The following DNAAF4 variants were observed in gnomAD, a reference collection of about 807,000 sequenced individuals.
The protein encoded by DNAAF4 is dynein axonemal assembly factor 4.
DNAAF4 carries 43 observed loss-of-function variants against 51.8 expected under a neutral mutation model. The observed-to-expected ratio is 0.83, with a 90% CI of 0.65 to 1.07. The LOEUF (loss-of-function observed/expected upper bound fraction) is 1.07. DNAAF4 is among the 50% of genes least tolerant of loss of function. The probability of loss-of-function intolerance (pLI) is 0.00; values close to 1 mark genes in which losing one functional copy is unlikely to be tolerated. For synonymous variants in DNAAF4, 194 were observed against 165.6 expected (o/e 1.17, Z -1.32); for missense variants, 581 against 493.0 (o/e 1.18, Z -1.69).
At position 55,490,963 on chromosome 15, in the gene DNAAF4, A is replaced by C. The variant is rs968879467; in HGVS notation, c.405+160T>G. On this transcript the variant is annotated intron_variant, in intron 4 of 9. Coordinates refer to ENST00000321149, the MANE Select transcript of DNAAF4 (RefSeq NM_130810.4). ...AGTGAGACTCGGTCTCAAGAAAAAAAAAAACACACATATAAATAGCAGACA... is the reference window on the plus strand; with the variant it reads ...AGTGAGACTCGGTCTCAAGAAAAAACAAAACACACATATAAATAGCAGACA... 8 of 788,700 alleles carry C rather than the reference A, an allele frequency of 1.0e-5. No homozygotes were observed. The Middle Eastern group carries it at 1.6e-3, about 156-fold the overall frequency. The allele number at this position is 788,700 out of a possible 1,614,324, so 48.9% of individuals were successfully genotyped here.
At chr15:55,507,269 A>G (rs1021063895) in intron 1 of DNAAF4, among the ~76,000 whole-genome samples, 3 of 152,206 alleles carry the variant, frequency 2.0e-5, no homozygotes, top group African/African-American at 7.2e-5. Context: ...TAAACCCATC[A>G]TAAGTTGAAA....
chr15:55,503,500 A>C (rs1209842079), intron 1 of DNAAF4, among the ~76,000 whole-genome samples: 2 of 152,216 alleles, frequency 1.3e-5, no homozygotes, highest in Non-Finnish European at 2.9e-5. Context: ...AATATCCCTA[A>C]GGAACATCGA....
At chr15:55,486,598 A>ATAGT (rs1567030357) in intron 4 of DNAAF4, among the ~76,000 whole-genome samples, 3 of 152,076 alleles carry the variant, frequency 2.0e-5, no homozygotes, top group Non-Finnish European at 1.5e-5. Context: ...GCTGGGCAAC[A>ATAGT]TAGTTAGACC....
chr15:55,497,536 G>A (rs550965003), intron 3 of DNAAF4, among the ~76,000 whole-genome samples, 176 bp downstream of exon 3: 41 of 152,148 alleles, frequency 2.7e-4, no homozygotes, highest in African/African-American at 9.9e-4. Flanking sequence ...GGGGGCAGAG[G>A]TTGCAGTAAG....
At chr15:55,463,406 A>G (rs143744526) in intron 5 of DNAAF4, among the ~76,000 whole-genome samples, 83 of 152,292 alleles carry the variant, frequency 5.5e-4, no homozygotes, top group African/African-American at 1.9e-3. Context: ...CACCAACACT[A>G]TTTAACAGAG....
At chr15:55,421,498 A>T (rs1159364420) in intron 7 of DNAAF4, among the ~76,000 whole-genome samples, 1 of 152,038 alleles carries the variant, frequency 6.6e-6, no homozygotes, top group East Asian at 1.9e-4. Flanking sequence ...GGGAGACTTC[A>T]TCTAAAAAAT....
At chr15:55,502,192 A>G (rs1423872852) in intron 1 of DNAAF4, among the ~76,000 whole-genome samples, 1 of 152,212 alleles carries the variant, frequency 6.6e-6, no homozygotes, top group Non-Finnish European at 1.5e-5. Flanking sequence ...GAGAACACAC[A>G]TCATGGGGTG....
At chr15:55,502,886 A>T (rs1014648031) in intron 1 of DNAAF4, among the ~76,000 whole-genome samples, 1 of 152,186 alleles carries the variant, frequency 6.6e-6, no homozygotes. Context: ...GAGCAAACAC[A>T]TTCAAAAGCT....
rs1371851367 is a variant in DNAAF4, at chr15:55,498,225, G to A, written c.105C>T (p.Cys35=). Residue 35 remains cysteine (C), a synonymous_variant, in exon 2 of 10, where the codon TGC becomes TGT. Transcript: ENST00000321149. ...GVCVRDTDVF[C]TENYLKVNFP... ...TTCTTACCTTCAGATAGTTTTCCGT[G>A]CAGAACACGTCCGTGTCTCTGACGC... 1 of 1,613,966 alleles carries A rather than the reference G, an allele frequency of 6.2e-7. No individual in the cohort carries two copies. The highest frequency in any genetic ancestry group is 1.7e-5 in the Admixed American group (1 of 59,990).
chr15:55,475,695 T>C (rs900488709), intron 4 of DNAAF4, among the ~76,000 whole-genome samples: 1 of 152,182 alleles, frequency 6.6e-6, no homozygotes, highest in African/African-American at 2.4e-5. Flanking sequence ...TTTGTATTTT[T>C]TGATCATAAA....
At chr15:55,483,202 T>C (rs1327182679) in intron 4 of DNAAF4, among the ~76,000 whole-genome samples, 1 of 152,238 alleles carries the variant, frequency 6.6e-6, no homozygotes, top group East Asian at 1.9e-4. Context: ...GTTCAAGCAA[T>C]TCTCCTGCCT....
intron 5 of DNAAF4, among the ~76,000 whole-genome samples, chr15:55,456,048 A>G (rs951733139): frequency 6.6e-6 from 1 of 152,072 alleles, no homozygotes; most frequent in Non-Finnish European, 1.5e-5. Context: ...TAGGAATTCA[A>G]TAATGACTTA....
intron 4 of DNAAF4, 174 bp downstream of exon 4, chr15:55,490,949 G>A (rs2058562740): frequency 3.1e-6 from 2 of 648,108 alleles, no homozygotes; most frequent in Non-Finnish European, 4.8e-6. Context: ...GTGAGACTCG[G>A]TCTCAAGAAA....
rs2057377431 is a variant in DNAAF4 at position 55,420,266 on chromosome 15, AATTTTAT to A, written c.1048-2140_1048-2134del. ...GTGGTATATTTTTATAAATGCAATT[AATTTTAT>A]ATATCTTCAACACAGTGTGAGCAGT... is the stretch of plus-strand genomic sequence containing the variant. On this transcript the variant is annotated intron_variant, in intron 7 of 7. Transcript: ENST00000448430. 2.6e-5 allele frequency among the ~76,000 whole-genome samples: 4 copies of A among 152,280 alleles called. No homozygotes were observed. In the South Asian group the frequency reaches 8.3e-4, roughly 32 times the overall value.
At position 55,430,663 on chromosome 15, in the gene DNAAF4, A is replaced by G. The variant is rs1161749136; in HGVS notation, c.*7T>C. ...TTATAACAATACTTAGTTACTTCTA[A>G]TAGTCATTAAGATTTTAGTTCTGTT... On this transcript the variant is annotated 3_prime_UTR_variant, in exon 10 of 10. Transcript: ENST00000321149. 6.2e-7 allele frequency: 1 copy of G among 1,610,734 alleles called. No homozygotes were observed. The highest frequency in any genetic ancestry group is 8.5e-7 in the Non-Finnish European group (1 of 1,178,508).
intron 5 of DNAAF4, 113 bp from the exon 6 acceptor site, chr15:55,450,480 C>A: frequency 8.3e-7 from 1 of 1,211,492 alleles, no homozygotes. Context: ...ACAAATAAAT[C>A]AAATATATTT....
chr15:55,432,656 A>G, intron 8 of DNAAF4, 54 bp from the exon 9 acceptor site: 2 of 1,500,638 alleles, frequency 1.3e-6, no homozygotes, highest in Non-Finnish European at 9.1e-7. Flanking sequence ...TAATTTAAAC[A>G]AGCAAAAGGC....
At chr15:55,495,604 G>T (rs1336229828) in intron 3 of DNAAF4, among the ~76,000 whole-genome samples, 1 of 152,124 alleles carries the variant, frequency 6.6e-6, no homozygotes, top group Non-Finnish European at 1.5e-5. Context: ...GTGTTTTGGT[G>T]CACACCTGTA....
At chr15:55,428,641 C>G (rs1411397207), downstream of DNAAF4, among the ~76,000 whole-genome samples, 1 of 150,776 alleles carries the variant, frequency 6.6e-6, no homozygotes, top group Admixed American at 6.6e-5. Flanking sequence ...ACTACAGGCG[C>G]CTGCCACCAC....
Sources: allele counts gnomAD v4.1 joint callset (sites outside exome capture counted in the v4.1 genomes callset), GRCh38; gene constraint gnomAD v4.1.1; transcripts MANE v1.5; gene names NCBI Gene and HGNC (gene_info 2026-07-23, HGNC 2026-07-21).